VPS13D: variants seen among roughly 807,000 people sequenced by gnomAD.
The protein encoded by VPS13D is vacuolar protein sorting 13 homolog D.
VPS13D carries 187 observed loss-of-function variants against 461.9 expected under a neutral mutation model. The ratio of observed to expected loss-of-function variants is 0.40; its 90% CI spans 0.36 to 0.46. The LOEUF (loss-of-function observed/expected upper bound fraction) is 0.46. Ranked by LOEUF, VPS13D falls within the 20% of genes least tolerant of loss-of-function variation. The pLI is 0.60. For synonymous variants in VPS13D, 1,951 were observed against 1,986.3 expected (o/e 0.98, Z 0.47); for missense variants, 4,711 against 5,364.9 (o/e 0.88, Z 3.81).
rs547271628 is a variant in VPS13D at position 12,380,049 on chromosome 1, G to A, written c.11190+453G>A. ...CTCCCAAAGTGCTGGGATTACAGGC[G>A]TGAGCCACCGCGCCCAGCCCCGCAT... On this transcript the variant is annotated intron_variant, in intron 57 of 69. Transcript: ENST00000620676. Among the ~76,000 whole-genome samples the A allele has an allele frequency of 5.3e-5, 8 of 152,256 alleles. No individual in the cohort carries two copies. In the South Asian group the frequency reaches 1.0e-3, roughly 20 times the overall value.
intron 18 of VPS13D, among the ~76,000 whole-genome samples, chr1:12,275,118 C>G (rs1361496383): frequency 6.6e-6 from 1 of 152,152 alleles, no homozygotes; most frequent in Non-Finnish European, 1.5e-5. Flanking sequence ...GTCCGGGAGG[C>G]TGAGGCAGGA....
At chr1:12,400,958 GCGCGCACACA>G (rs1175165959) in intron 61 of VPS13D, among the ~76,000 whole-genome samples, 12 of 80,438 alleles carry the variant, frequency 1.5e-4, no homozygotes, top group African/African-American at 5.4e-4. Flanking sequence ...GCACCTGCGC[GCGCGCACACA>G]CACACACACA....
intron 22 of VPS13D, 123 bp from the exon 23 acceptor site, chr1:12,290,875 T>C (rs1642113098): frequency 2.2e-6 from 2 of 926,688 alleles, no homozygotes; most frequent in Admixed American, 3.3e-5. Context: ...AAATTTGCTT[T>C]TGAGGTTTGA....
intron 65 of VPS13D, among the ~76,000 whole-genome samples, chr1:12,453,389 A>G (rs895311878): frequency 1.3e-5 from 2 of 152,154 alleles, no homozygotes; most frequent in Non-Finnish European, 1.5e-5. Context: ...TAGAAAGAAT[A>G]TAAGAGCTTG....
intron 67 of VPS13D, among the ~76,000 whole-genome samples, chr1:12,469,666 C>A (rs1186196620): frequency 1.3e-5 from 2 of 152,234 alleles, no homozygotes; most frequent in African/African-American, 4.8e-5. Flanking sequence ...CTTTGGCTTC[C>A]TGCCAACAGT....
At chr1:12,479,159 T>TA (rs763162089) in intron 67 of VPS13D, among the ~76,000 whole-genome samples, 1 of 152,218 alleles carries the variant, frequency 6.6e-6, no homozygotes, top group Non-Finnish European at 1.5e-5. Context: ...CCTGGGTTCT[T>TA]ACAGTGGGCA....
At chr1:12,352,965 CA>C (rs61588046) in intron 46 of VPS13D, among the ~76,000 whole-genome samples, 497 of 17,432 alleles carry the variant, frequency 0.029, no homozygotes, top group African/African-American at 0.035. Context: ...AACTCAGTCT[CA>C]AAAAAAAAAA....
chr1:12,480,450 T>C (rs1645699639), intron 67 of VPS13D, among the ~76,000 whole-genome samples: 1 of 152,050 alleles, frequency 6.6e-6, no homozygotes, highest in South Asian at 2.1e-4. Context: ...AACCCAGAGA[T>C]TGTTGGATTG....
intron 66 of VPS13D, 105 bp downstream of exon 66, chr1:12,456,235 G>A: frequency 6.9e-7 from 1 of 1,447,122 alleles, no homozygotes; most frequent in Non-Finnish European, 9.1e-7. Flanking sequence ...TGGGCGCGGT[G>A]GCTCATGCTT....
chr1:12,254,603 G>C (rs1471470923), intron 7 of VPS13D, among the ~76,000 whole-genome samples: 2 of 135,938 alleles, frequency 1.5e-5, no homozygotes, highest in Non-Finnish European at 3.1e-5. Context: ...GGCTCACTGA[G>C]ATCTTTGCCT....
At chr1:12,366,978 T>C (rs908878678) in intron 52 of VPS13D, among the ~76,000 whole-genome samples, 1 of 152,224 alleles carries the variant, frequency 6.6e-6, no homozygotes, top group African/African-American at 2.4e-5. Context: ...CTGATGAAAT[T>C]TAACCTTGAT....
At chr1:12,319,422 G>A (rs1642973735) in intron 31 of VPS13D, 75 bp from the exon 32 acceptor site, 34 of 1,588,136 alleles carry the variant, frequency 2.1e-5, no homozygotes, top group Non-Finnish European at 2.8e-5. Context: ...AAATGCGCTC[G>A]CTGCCTTGTT....
intron 46 of VPS13D, among the ~76,000 whole-genome samples, chr1:12,352,872 G>A (rs1643826561): frequency 6.8e-6 from 1 of 146,278 alleles, no homozygotes; most frequent in South Asian, 2.2e-4. Context: ...GGCTGAGGCA[G>A]GAGAATGGCT....
chr1:12,403,766 CTG>C, intron 62 of VPS13D, 57 bp from the exon 63 acceptor site: 1 of 1,473,694 alleles, frequency 6.8e-7, no homozygotes, highest in Non-Finnish European at 9.1e-7. Flanking sequence ...AAAGTGGATT[CTG>C]TGGATCATGA....
In VPS13D at chr1:12,358,449, T is replaced by C; in HGVS notation, c.9999-10T>C. ...ATGAATATCTACATCTTTGCTTTTC[T>C]GCCCCACAGCTGCACGATGAGAATC... On this transcript the variant is annotated splice_polypyrimidine_tract_variant and intron_variant, in intron 49 of 69. Coordinates refer to ENST00000620676, the MANE Select transcript of VPS13D (RefSeq NM_015378.4). 6.2e-7 allele frequency: 1 copy of C among 1,613,644 alleles called. No homozygotes were observed. Among genetic ancestry groups the C allele is most frequent in the Non-Finnish European group, 8.5e-7 (1 of 1,179,834 alleles).
At chr1:12,498,629 G>A (rs1166280160) in intron 68 of VPS13D, among the ~76,000 whole-genome samples, 1 of 152,136 alleles carries the variant, frequency 6.6e-6, no homozygotes, top group East Asian at 1.9e-4. Context: ...TCGTCTACTT[G>A]GGTTGCCATT....
intron 16 of VPS13D, among the ~76,000 whole-genome samples, chr1:12,269,712 T>C (rs543836401): frequency 7.2e-5 from 11 of 152,174 alleles, no homozygotes; most frequent in Admixed American, 3.3e-4. Context: ...GACAGGGAGA[T>C]TTATAAAACA....
chr1:12,413,634 G>A (rs1004345277), intron 63 of VPS13D, among the ~76,000 whole-genome samples: 2 of 152,120 alleles, frequency 1.3e-5, no homozygotes, highest in African/African-American at 2.4e-5. Context: ...ACCATGCCCA[G>A]TTAATTTTTA....
chr1:12,487,146 G>T (rs1354612273), intron 67 of VPS13D, among the ~76,000 whole-genome samples: 1 of 152,180 alleles, frequency 6.6e-6, no homozygotes, highest in African/African-American at 2.4e-5. Flanking sequence ...TGTGGTGACT[G>T]CATAGGTTTT....
Sources: allele counts gnomAD v4.1 joint callset (sites outside exome capture counted in the v4.1 genomes callset), GRCh38; gene constraint gnomAD v4.1.1; transcripts MANE v1.5; gene names NCBI Gene and HGNC (gene_info 2026-07-23, HGNC 2026-07-21).